Variants in MSRA observed in about 807,000 individuals in gnomAD.
MSRA encodes methionine sulfoxide reductase A, also known as mitochondrial peptide methionine sulfoxide reductase.
MSRA carries 54 observed loss-of-function variants against 31.3 expected under a neutral mutation model. That is an observed-to-expected ratio of 1.73 (90% CI 1.39 to 2.17). The LOEUF is 2.17. Ranked by LOEUF, MSRA falls within the 30% of genes most tolerant of loss-of-function variation. MSRA has a pLI of 0.00. For synonymous variants in MSRA, 169 were observed against 116.5 expected (o/e 1.45, Z -2.90); for missense variants, 507 against 300.9 (o/e 1.69, Z -5.07).
chr8:10,189,363 C>G (rs1664382188), intron 1 of MSRA, among the ~76,000 whole-genome samples: 1 of 151,956 alleles, frequency 6.6e-6, no homozygotes, highest in Non-Finnish European at 1.5e-5. Context: ...TTTGAACTGA[C>G]TAGGACCTCA....
intron 1 of MSRA, among the ~76,000 whole-genome samples, chr8:10,159,322 G>A (rs1232247301): frequency 1.3e-5 from 2 of 152,114 alleles, no homozygotes. Flanking sequence ...ATCTGGAGGG[G>A]TTGAGTTTGC....
intron 1 of MSRA, among the ~76,000 whole-genome samples, chr8:10,198,651 G>T (rs1808206711): frequency 6.6e-6 from 1 of 152,126 alleles, no homozygotes; most frequent in Non-Finnish European, 1.5e-5. Flanking sequence ...TTGTGGCAGG[G>T]TCTCCTCTGT....
At chr8:10,060,181 T>A (rs1467031146) in intron 1 of MSRA, among the ~76,000 whole-genome samples, 1 of 152,200 alleles carries the variant, frequency 6.6e-6, no homozygotes, top group Non-Finnish European at 1.5e-5. Context: ...TACAGCTTTG[T>A]TTGCAATAGC....
intron 1 of MSRA, among the ~76,000 whole-genome samples, chr8:10,154,427 G>T (rs1348074669): frequency 1.3e-5 from 2 of 151,848 alleles, no homozygotes; most frequent in Non-Finnish European, 2.9e-5. Flanking sequence ...GCCCAGGCTG[G>T]AGTGCAGTGG....
At position 10,106,787 on chromosome 8, in the gene MSRA, C is replaced by G. The variant is rs1393016182; in HGVS notation, c.142+52129C>G. Among the ~76,000 whole-genome samples, 4 of 152,220 alleles carry G rather than the reference C, an allele frequency of 2.6e-5. No individual in the cohort carries two copies. In the East Asian group the frequency reaches 7.7e-4, roughly 29 times the overall value. ...CTCCATACACCCTTGGGAATGTGTC[C>G]TTAGGTCATTCCTTCTGTCTGCTAC... On this transcript the variant is annotated intron_variant, in intron 1 of 5. Coordinates refer to ENST00000317173, the MANE Select transcript of MSRA (RefSeq NM_012331.5).
chr8:10,099,592 G>A (rs544287204), intron 1 of MSRA, among the ~76,000 whole-genome samples: 42 of 152,350 alleles, frequency 2.8e-4, no homozygotes, highest in Non-Finnish European at 5.0e-4. Context: ...GCGAACCAGA[G>A]TATTAGCTTG....
intron 5 of MSRA, among the ~76,000 whole-genome samples, chr8:10,334,002 C>T (rs1282358047): frequency 6.6e-6 from 1 of 152,086 alleles, no homozygotes; most frequent in South Asian, 2.1e-4. Context: ...AGGGCCTATA[C>T]GTTTTTCTCC....
At chr8:10,349,440 T>A (rs975658114) in intron 5 of MSRA, among the ~76,000 whole-genome samples, 2 of 152,192 alleles carry the variant, frequency 1.3e-5, no homozygotes, top group African/African-American at 4.8e-5. Context: ...TCTTCAGGGT[T>A]TAATGAAAAC....
At chr8:10,180,588 G>C (rs1350845882) in intron 1 of MSRA, among the ~76,000 whole-genome samples, 3 of 152,118 alleles carry the variant, frequency 2.0e-5, no homozygotes, top group Non-Finnish European at 4.4e-5. Flanking sequence ...CTCAGGTAAG[G>C]TTGAAAGGGG....
At chr8:10,136,216 A>G (rs1802264187) in intron 1 of MSRA, among the ~76,000 whole-genome samples, 1 of 152,224 alleles carries the variant, frequency 6.6e-6, no homozygotes, top group Admixed American at 6.5e-5. Context: ...TGCGGTGCAG[A>G]GAGGCACATT....
At chr8:10,360,548 G>A (rs1048624106) in intron 5 of MSRA, among the ~76,000 whole-genome samples, 1 of 152,208 alleles carries the variant, frequency 6.6e-6, no homozygotes, top group Non-Finnish European at 1.5e-5. Context: ...ATTTTAAGCT[G>A]ATGGGAGACA....
chr8:10,226,453 AC>A (rs1465410494), intron 2 of MSRA, among the ~76,000 whole-genome samples: 1 of 152,180 alleles, frequency 6.6e-6, no homozygotes, highest in Non-Finnish European at 1.5e-5. Flanking sequence ...CATATGTCCT[AC>A]ATTTTCTCTT....
chr8:10,062,528 C>T (rs1467332856), intron 1 of MSRA, among the ~76,000 whole-genome samples: 1 of 152,208 alleles, frequency 6.6e-6, no homozygotes, highest in Non-Finnish European at 1.5e-5. Context: ...TGTTGAAAGA[C>T]TGTAGCATAT....
intron 1 of MSRA, among the ~76,000 whole-genome samples, chr8:10,151,574 C>A (rs1015490375): frequency 1.3e-5 from 2 of 152,092 alleles, no homozygotes; most frequent in African/African-American, 4.8e-5. Context: ...GGTGTGAACC[C>A]GGGAGGCGGA....
rs896719009 is a variant in MSRA at position 10,102,316 on chromosome 8, ATTTT to A, written c.142+47661_142+47664del. Among the ~76,000 whole-genome samples, 22 of 152,186 alleles carry A rather than the reference ATTTT, an allele frequency of 1.4e-4. No individual in the cohort carries two copies. In the Middle Eastern group the frequency reaches 0.014, roughly 94 times the overall value. ...GTTCTACCAGTGCTTGATACTGATT[ATTTT>A]TTAAGTCTATTTTCTCTTTACTATT... On this transcript the variant is annotated intron_variant, in intron 1 of 5. Transcript: ENST00000317173.
intron 4 of MSRA, among the ~76,000 whole-genome samples, chr8:10,302,583 G>T (rs1458891805): frequency 6.6e-6 from 1 of 152,226 alleles, no homozygotes; most frequent in Non-Finnish European, 1.5e-5. Flanking sequence ...AGGTTGGTGG[G>T]TCCTGAGTGC....
intron 5 of MSRA, chr8:10,337,938 T>A (rs924559693): frequency 1.6e-6 from 1 of 639,040 alleles, no homozygotes. Flanking sequence ...CTAATAAGAC[T>A]TGGAAGTAGG....
intron 5 of MSRA, among the ~76,000 whole-genome samples, chr8:10,354,750 G>GTGTGTGTA (rs371336632): frequency 3.6e-5 from 5 of 138,404 alleles, no homozygotes; most frequent in South Asian, 2.3e-4. Context: ...GTGTGTGTGT[G>GTGTGTGTA]TATATATATA....
chr8:10,343,663 G>T (rs1436580486), intron 5 of MSRA, among the ~76,000 whole-genome samples: 2 of 152,104 alleles, frequency 1.3e-5, no homozygotes, highest in African/African-American at 4.8e-5. Flanking sequence ...CATTTGTAAA[G>T]GGTGCTGGGG....
Sources: gnomAD v4.1 joint callset for allele counts (sites outside exome capture counted in the v4.1 genomes callset) on GRCh38, gnomAD v4.1.1 for gene constraint, MANE v1.5 for transcripts, NCBI Gene and HGNC (gene_info 2026-07-23, HGNC 2026-07-21) for gene names.